The following SGCZ variants were observed in gnomAD, a reference collection of about 807,000 sequenced individuals.
SGCZ encodes sarcoglycan zeta.
In SGCZ, 40 loss-of-function variants were observed where a neutral mutation model predicts 41.3. That is an observed-to-expected ratio of 0.97 (90% CI 0.75 to 1.26). The LOEUF (loss-of-function observed/expected upper bound fraction) is 1.26. Ranked by LOEUF, SGCZ falls within the 50% of genes most tolerant of loss-of-function variation. The pLI is 0.00. For missense variants in SGCZ, 552 were observed against 369.8 expected (o/e 1.49, Z -4.04); for synonymous variants, 206 against 137.5 (o/e 1.50, Z -3.49).
At chr8:14,800,777 A>C (rs953959345) in intron 1 of SGCZ, among the ~76,000 whole-genome samples, 13 of 152,306 alleles carry the variant, frequency 8.5e-5, no homozygotes, top group African/African-American at 2.6e-4. Context: ...TAAATTACCC[A>C]GTGTCTAGTA....
At chr8:14,106,053 G>C (rs920325951) in intron 6 of SGCZ, among the ~76,000 whole-genome samples, 1 of 152,102 alleles carries the variant, frequency 6.6e-6, no homozygotes, top group African/African-American at 2.4e-5. Flanking sequence ...ATGTTCCTTT[G>C]TAATAACTGC....
chr8:14,159,884 G>C (rs1380655433), intron 5 of SGCZ, among the ~76,000 whole-genome samples: 1 of 152,160 alleles, frequency 6.6e-6, no homozygotes, highest in East Asian at 1.9e-4. Flanking sequence ...AGAAGATATT[G>C]ATTGGAACCC....
At chr8:14,552,237 A>C (rs1585073099) in intron 2 of SGCZ, among the ~76,000 whole-genome samples, 1 of 152,058 alleles carries the variant, frequency 6.6e-6, no homozygotes, top group Non-Finnish European at 1.5e-5. Flanking sequence ...ACACCCTTCA[A>C]GTATATACAA....
intron 4 of SGCZ, among the ~76,000 whole-genome samples, chr8:14,202,688 T>C (rs767586568): frequency 5.9e-5 from 9 of 152,198 alleles, no homozygotes; most frequent in Admixed American, 1.3e-4. Context: ...CCCTTGGTAA[T>C]TTTTAACATT....
intron 1 of SGCZ, among the ~76,000 whole-genome samples, chr8:14,906,409 T>C (rs747910097): frequency 1.4e-4 from 22 of 152,150 alleles, no homozygotes; most frequent in Non-Finnish European, 2.9e-4. Flanking sequence ...ACCAGGTATA[T>C]TCTGAACCAA....
At chr8:14,517,839 A>G (rs1802669868) in intron 2 of SGCZ, among the ~76,000 whole-genome samples, 1 of 151,722 alleles carries the variant, frequency 6.6e-6, no homozygotes, top group Admixed American at 6.6e-5. Flanking sequence ...ATTTAATTGA[A>G]CACATTTTAT....
At chr8:14,554,610 G>T in intron 2 of SGCZ, 122 bp downstream of exon 2, 3 of 807,188 alleles carry the variant, frequency 3.7e-6, no homozygotes, top group Non-Finnish European at 3.7e-6. Context: ...TTTTCTTTGG[G>T]ATTTAAAAAC....
intron 1 of SGCZ, among the ~76,000 whole-genome samples, chr8:14,674,803 T>G (rs1405070119): frequency 6.6e-6 from 1 of 151,926 alleles, no homozygotes; most frequent in Non-Finnish European, 1.5e-5. Flanking sequence ...CTCCTGCTTT[T>G]GCCATGTAAA....
At chr8:14,203,545 A>G (rs1358635284) in intron 4 of SGCZ, among the ~76,000 whole-genome samples, 1 of 152,132 alleles carries the variant, frequency 6.6e-6, no homozygotes, top group Non-Finnish European at 1.5e-5. Context: ...CCTAAATTTC[A>G]TCTTTTATAT....
chr8:14,343,829 C>A (rs1186361362), intron 2 of SGCZ, among the ~76,000 whole-genome samples: 1 of 151,746 alleles, frequency 6.6e-6, no homozygotes, highest in Non-Finnish European at 1.5e-5. Context: ...TTTTTTCAGA[C>A]ACTAAATCTA....
chr8:14,596,441 G>C (rs1805416262), intron 1 of SGCZ, among the ~76,000 whole-genome samples: 1 of 151,980 alleles, frequency 6.6e-6, no homozygotes, highest in Non-Finnish European at 1.5e-5. Flanking sequence ...AGGATAATTA[G>C]CATTTTGACA....
chr8:14,818,363 T>C (rs754730784), intron 1 of SGCZ, among the ~76,000 whole-genome samples: 13 of 152,136 alleles, frequency 8.5e-5, no homozygotes, highest in African/African-American at 1.9e-4. Context: ...ATTGCAGACA[T>C]TGCTAATGAG....
chr8:14,371,419 A>G (rs11984878), intron 2 of SGCZ, among the ~76,000 whole-genome samples: 6,806 of 152,162 alleles, frequency 0.045, 495 homozygotes, highest in African/African-American at 0.15. Context: ...TGCTGTAACA[A>G]TGACTTTAAA....
chr8:14,811,502 C>T (rs999215689), intron 1 of SGCZ, among the ~76,000 whole-genome samples: 1 of 121,298 alleles, frequency 8.2e-6, no homozygotes, highest in Non-Finnish European at 1.6e-5. Context: ...GAAACATTCG[C>T]TGAAAGACAC....
intron 1 of SGCZ, among the ~76,000 whole-genome samples, chr8:15,218,770 A>G (rs1294049881): frequency 1.3e-5 from 2 of 152,234 alleles, no homozygotes; most frequent in African/African-American, 4.8e-5. Flanking sequence ...TGTGTGAAAC[A>G]TTGATGACTG....
At chr8:14,901,657 A>T (rs1163554151) in intron 1 of SGCZ, among the ~76,000 whole-genome samples, 1 of 152,078 alleles carries the variant, frequency 6.6e-6, no homozygotes, top group Non-Finnish European at 1.5e-5. Context: ...TTGTATATGG[A>T]AACAGTCCTT....
At chr8:14,645,478 T>TTATATATATATATATATATATTTA (rs1046258520) in intron 1 of SGCZ, among the ~76,000 whole-genome samples, 10 of 106,594 alleles carry the variant, frequency 9.4e-5, no homozygotes, top group African/African-American at 2.9e-4. Context: ...ATATATATAT[T>TTATATATATATATATATATATTTA]TATATGTATA....
At chr8:14,746,767 G>T (rs930556189) in intron 1 of SGCZ, among the ~76,000 whole-genome samples, 2 of 152,100 alleles carry the variant, frequency 1.3e-5, no homozygotes, top group Non-Finnish European at 2.9e-5. Context: ...GGGGTTTTTT[G>T]TGTGTTTGTG....
intron 1 of SGCZ, among the ~76,000 whole-genome samples, chr8:15,194,723 G>T (rs1800664994): frequency 6.6e-6 from 1 of 152,142 alleles, no homozygotes; most frequent in South Asian, 2.1e-4. Flanking sequence ...AAGCCAGGGA[G>T]CCAAGGCCGC....
Sources: gnomAD v4.1 joint callset for allele counts (sites outside exome capture counted in the v4.1 genomes callset) on GRCh38, gnomAD v4.1.1 for gene constraint, MANE v1.5 for transcripts, NCBI Gene and HGNC (gene_info 2026-07-23, HGNC 2026-07-21) for gene names.